Variants in CAMKMT observed in about 807,000 individuals in gnomAD.
The protein encoded by CAMKMT is CaM KMT.
CAMKMT carries 53 observed loss-of-function variants against 48.0 expected under a neutral mutation model. The observed-to-expected ratio is 1.10, with a 90% CI of 0.89 to 1.39. CAMKMT has a LOEUF of 1.39. CAMKMT is among the 40% of genes most tolerant of loss of function. The pLI, the probability that CAMKMT is intolerant of heterozygous loss-of-function variation, is 0.00. For synonymous variants in CAMKMT, 165 were observed against 152.3 expected, an observed-to-expected ratio of 1.08 and a Z score of -0.61; for missense variants, 428 against 402.7, an observed-to-expected ratio of 1.06 and a Z score of -0.54.
At chr2:44,743,450 C>CTAAA (rs911694405) in intron 7 of CAMKMT, among the ~76,000 whole-genome samples, 172 bp from the exon 8 acceptor site, 1 of 152,010 alleles carries the variant, frequency 6.6e-6, no homozygotes, top group Non-Finnish European at 1.5e-5. Context: ...GATTTGAATA[C>CTAAA]TAAATAAAAC....
At chr2:44,446,223 C>T (rs1049299287) in intron 3 of CAMKMT, among the ~76,000 whole-genome samples, 1 of 152,074 alleles carries the variant, frequency 6.6e-6, no homozygotes, top group Non-Finnish European at 1.5e-5. Flanking sequence ...GCTGGGATTA[C>T]AGGTGTGAGC....
chr2:44,614,953 T>TTTTTTTTTC lies in CAMKMT; in HGVS notation c.377-89323_377-89322insTCTTTTTTT, dbSNP rs1459090690. On this transcript the variant is annotated intron_variant, in intron 3 of 10. Transcript: ENST00000378494. ...TCTCCTTGCTTTTTTTTTTTTTTTT[T>TTTTTTTTTC]TTTTTTTGAGACAGGGTCTTGCTCT... Among the ~76,000 whole-genome samples the TTTTTTTTTC allele has an allele frequency of 1.2e-3, 166 of 133,460 alleles. 6 individuals are homozygous for TTTTTTTTTC. The highest frequency in any genetic ancestry group is 0.011 in the Middle Eastern group (3 of 264). 87.6% of individuals were successfully genotyped at this position (133,460 alleles called of 152,430 possible).
intron 3 of CAMKMT, among the ~76,000 whole-genome samples, chr2:44,522,486 A>T (rs1337258083): frequency 6.6e-6 from 1 of 152,182 alleles, no homozygotes; most frequent in Non-Finnish European, 1.5e-5. Flanking sequence ...TCCCCTTAAG[A>T]TACTTAGAAC....
chr2:44,641,265 G>C (rs1261089892), intron 3 of CAMKMT, among the ~76,000 whole-genome samples: 4 of 152,094 alleles, frequency 2.6e-5, no homozygotes, highest in Admixed American at 6.6e-5. Context: ...TAGCATAGAT[G>C]ACCTACGGTT....
intron 7 of CAMKMT, among the ~76,000 whole-genome samples, chr2:44,722,388 A>G (rs867368024): frequency 1.3e-5 from 2 of 152,090 alleles, no homozygotes; most frequent in African/African-American, 4.8e-5. Context: ...GCTTGCTTAG[A>G]TATTCATCAG....
chr2:44,387,873 A>G (rs1680928099), intron 2 of CAMKMT, among the ~76,000 whole-genome samples: 1 of 152,156 alleles, frequency 6.6e-6, no homozygotes, highest in Non-Finnish European at 1.5e-5. Context: ...TCCCTTCCGC[A>G]TTGTAGGGTT....
chr2:44,550,777 A>C (rs1019810063), intron 3 of CAMKMT: 2 of 152,214 alleles, frequency 1.3e-5, no homozygotes, highest in African/African-American at 2.4e-5. Flanking sequence ...TGATTAAACC[A>C]GTGATACATT....
chr2:44,420,195 G>A (rs1284762877), intron 3 of CAMKMT, among the ~76,000 whole-genome samples: 1 of 152,080 alleles, frequency 6.6e-6, no homozygotes, highest in Non-Finnish European at 1.5e-5. Flanking sequence ...TCACATCCAG[G>A]CATATGAAAT....
intron 3 of CAMKMT, among the ~76,000 whole-genome samples, chr2:44,390,534 G>A (rs1681235946): frequency 6.6e-6 from 1 of 151,598 alleles, no homozygotes; most frequent in African/African-American, 2.4e-5. Context: ...TGTGTGGGGG[G>A]GAGGTGGGGG....
At chr2:44,612,186 A>C (rs1178017116) in intron 3 of CAMKMT, among the ~76,000 whole-genome samples, 1 of 96,498 alleles carries the variant, frequency 1.0e-5, no homozygotes, top group Non-Finnish European at 2.6e-5. Flanking sequence ...CGTTATCATT[A>C]GAATGATCAA....
At chr2:44,645,811 A>T (rs1000409478) in intron 3 of CAMKMT, among the ~76,000 whole-genome samples, 3 of 152,074 alleles carry the variant, frequency 2.0e-5, no homozygotes, top group African/African-American at 7.2e-5. Context: ...ACAGAGCAAG[A>T]CTCCATCTCA....
chr2:44,640,257 A>G (rs6544766), intron 3 of CAMKMT, among the ~76,000 whole-genome samples: 89,968 of 151,970 alleles, frequency 0.59, 27,555 homozygotes, highest in Admixed American at 0.68. Context: ...TTAATACTTA[A>G]AAAACACTGG....
chr2:44,771,618 T>C (rs1275685812), intron 10 of CAMKMT, among the ~76,000 whole-genome samples: 1 of 152,202 alleles, frequency 6.6e-6, no homozygotes, highest in Admixed American at 6.5e-5. Flanking sequence ...GCCCAGATGT[T>C]GCCACGGACT....
In CAMKMT at chr2:44,619,087, G is replaced by C. The variant is rs545278170; in HGVS notation, c.377-85196G>C. On this transcript the variant is annotated intron_variant, in intron 3 of 10. Transcript: ENST00000378494. ...TTCATGGAAGGGATATAAACAGAAG[G>C]ATGGAAACATAGATGTAGTACTAAT... Among the ~76,000 whole-genome samples, 4 of 152,254 alleles carry C rather than the reference G, an allele frequency of 2.6e-5. No homozygotes were observed. In the East Asian group the frequency reaches 7.7e-4, roughly 29 times the overall value.
chr2:44,566,974 C>T (rs927843436), intron 3 of CAMKMT, among the ~76,000 whole-genome samples: 9 of 152,046 alleles, frequency 5.9e-5, no homozygotes, highest in African/African-American at 1.9e-4. Context: ...GTAGTAGTAG[C>T]AGAATTTGGG....
chr2:44,565,622 A>C (rs1467537102), intron 3 of CAMKMT, among the ~76,000 whole-genome samples: 1 of 152,154 alleles, frequency 6.6e-6, no homozygotes, highest in African/African-American at 2.4e-5. Flanking sequence ...AAAACAAAAC[A>C]AAACAAAAAA....
intron 3 of CAMKMT, among the ~76,000 whole-genome samples, chr2:44,632,734 G>A (rs763158096): frequency 5.9e-5 from 9 of 152,086 alleles, no homozygotes; most frequent in Admixed American, 2.0e-4. Context: ...AATCTGGGCC[G>A]GCACCATCTA....
At chr2:44,598,042 C>T (rs1267292712) in intron 3 of CAMKMT, among the ~76,000 whole-genome samples, 1 of 151,408 alleles carries the variant, frequency 6.6e-6, no homozygotes, top group Non-Finnish European at 1.5e-5. Context: ...GCCTATGCTT[C>T]CTTATTAATG....
At chr2:44,469,285 A>T (rs1394807071) in intron 3 of CAMKMT, among the ~76,000 whole-genome samples, 1 of 152,250 alleles carries the variant, frequency 6.6e-6, no homozygotes, top group African/African-American at 2.4e-5. Context: ...ATAATTTTTT[A>T]AAAATTAGCT....
Sources: gnomAD v4.1 joint callset for allele counts (sites outside exome capture counted in the v4.1 genomes callset) on GRCh38, gnomAD v4.1.1 for gene constraint, MANE v1.5 for transcripts, NCBI Gene and HGNC (gene_info 2026-07-23, HGNC 2026-07-21) for gene names.